The following PCDHGB3 variants were observed in gnomAD, a reference collection of about 807,000 sequenced individuals.
PCDHGB3 encodes protocadherin gamma-B3.
A neutral mutation model predicts 59.2 loss-of-function variants in PCDHGB3; 40 were observed. The ratio of observed to expected loss-of-function variants is 0.68; its 90% CI spans 0.52 to 0.88. The LOEUF (loss-of-function observed/expected upper bound fraction) is 0.88, where lower values mean the gene tolerates loss of function less well. Among genes scored for constraint, PCDHGB3 ranks in the 40% least tolerant of loss-of-function variants. PCDHGB3 has a pLI of 0.00. For synonymous variants in PCDHGB3, 581 were observed against 503.6 expected, an observed-to-expected ratio of 1.15 and a Z score of -2.06; for missense variants, 1,309 against 1,187.9, an observed-to-expected ratio of 1.10 and a Z score of -1.50.
rs746408347 is a variant in PCDHGB3 at position 141,486,293 on chromosome 5, G to A, written c.2416-8514G>A. ...TGGCACTGTGGTGGCACTTATCAGT[G>A]TGCAGGATCCAGACTCAGGGTCAAA... On this transcript the variant is annotated intron_variant, in intron 1 of 3. Transcript: ENST00000576222. This position sits in a 1 kb window ranked among gnomAD's most constrained non-coding sequence, Gnocchi z 5.0. The A allele has an allele frequency of 3.1e-6, 5 of 1,614,018 alleles. No homozygotes were observed. In the Admixed American group the frequency reaches 8.3e-5, roughly 27 times the overall value.
chr5:141,486,844 C>T lies in PCDHGB3; in HGVS notation c.2416-7963C>T, dbSNP rs150549306. The T allele has an allele frequency of 1.1e-5, 17 of 1,614,220 alleles. No homozygotes were observed. The highest frequency in any genetic ancestry group is 1.4e-5 in the Non-Finnish European group (16 of 1,180,026). ...TAACAGTTCGTCTATTTGTGCTGGACCTCAATGACAATGCTCCAGCTGTGC... is the reference window on the plus strand; with the variant it reads ...TAACAGTTCGTCTATTTGTGCTGGATCTCAATGACAATGCTCCAGCTGTGC... On this transcript the variant is annotated intron_variant, in intron 1 of 3. Transcript: ENST00000576222. The surrounding 1 kb of genome is among the most constrained non-coding windows in gnomAD (Gnocchi z 5.0).
intron 3 of PCDHGB3, among the ~76,000 whole-genome samples, chr5:141,508,943 CAG>C (rs1562237475): frequency 1.3e-5 from 2 of 151,982 alleles, no homozygotes; most frequent in Admixed American, 6.6e-5. Context: ...TTAGGGAAAA[CAG>C]AGAAATGTCA....
intron 1 of PCDHGB3, chr5:141,423,486 C>G: frequency 6.2e-7 from 1 of 1,613,952 alleles, no homozygotes; most frequent in Non-Finnish European, 8.5e-7. Context: ...TCCTGCAAAC[C>G]TATTCCCACG....
intron 1 of PCDHGB3, among the ~76,000 whole-genome samples, chr5:141,447,752 G>T (rs2154561873): frequency 6.6e-6 from 1 of 152,280 alleles, no homozygotes; most frequent in Admixed American, 6.5e-5. Context: ...TCTTGCATGT[G>T]ACTGTATATA....
intron 1 of PCDHGB3, among the ~76,000 whole-genome samples, chr5:141,474,165 A>G (rs1444314307): frequency 6.6e-6 from 1 of 152,234 alleles, no homozygotes; most frequent in Non-Finnish European, 1.5e-5. Context: ...GACAGGCCTT[A>G]TTATTGAGAA....
intron 1 of PCDHGB3, chr5:141,383,821 G>T: frequency 1.2e-6 from 2 of 1,613,922 alleles, no homozygotes; most frequent in Non-Finnish European, 1.7e-6. Context: ...AGAAGGATTA[G>T]ATTATGAAGA....
rs1255512461 is a variant in PCDHGB3 at position 141,395,116 on chromosome 5, T to A, written c.2415+22307T>A. 1.2e-6 allele frequency: 2 copies of A among 1,614,098 alleles called. No homozygotes were observed. Among genetic ancestry groups the A allele is most frequent in the African/African-American group, 1.3e-5 (1 of 74,932 alleles). Reference sequence around the variant, plus strand: ...ACCGCCGACTCGCGGAAGAGTCACCTGATCTTTCCCCAGCCCAACTACGCA... The same window carrying A: ...ACCGCCGACTCGCGGAAGAGTCACCAGATCTTTCCCCAGCCCAACTACGCA... On this transcript the variant is annotated intron_variant, in intron 1 of 3. Coordinates refer to ENST00000576222, the MANE Select transcript of PCDHGB3 (RefSeq NM_018924.5).
rs779183487 is a variant in PCDHGB3, at chr5:141,430,845, C to T, written c.2415+58036C>T. ...GGGACTCTGTGGGAGACCGGATGCA[C>T]CCAGATACGCTATTCAGTTCCGGAA... On this transcript the variant is annotated intron_variant, in intron 1 of 3. Coordinates refer to ENST00000576222, the MANE Select transcript of PCDHGB3 (RefSeq NM_018924.5). 27 of 1,575,514 alleles carry T rather than the reference C, an allele frequency of 1.7e-5. No individual in the cohort carries two copies. In the African/African-American group the frequency reaches 3.7e-4, roughly 21 times the overall value.
chr5:141,492,257 A>G (rs955890030), intron 1 of PCDHGB3, among the ~76,000 whole-genome samples: 1 of 152,126 alleles, frequency 6.6e-6, no homozygotes, highest in Non-Finnish European at 1.5e-5. Flanking sequence ...GGCCCACACA[A>G]GTTGCACGGG....
chr5:141,476,820 T>C lies in PCDHGB3; in HGVS notation c.2416-17987T>C, dbSNP rs368919360. 6.2e-7 allele frequency: 1 copy of C among 1,613,594 alleles called. No individual in the cohort carries two copies. Among genetic ancestry groups the C allele is most frequent in the African/African-American group, 1.3e-5 (1 of 75,066 alleles). The stretch of plus-strand genomic sequence containing the variant: ...AGCCTGCCTATTCACATCAAGGTGC[T>C]GGACGCGAATGACAATGCGCCTGTC... On this transcript the variant is annotated intron_variant, in intron 1 of 3. Transcript: ENST00000576222. This position sits in a 1 kb window ranked among gnomAD's most constrained non-coding sequence, Gnocchi z 7.6.
In PCDHGB3 at chr5:141,423,241, G is replaced by T. The variant is rs1485226833; in HGVS notation, c.2415+50432G>T. The T allele has an allele frequency of 6.8e-6, 11 of 1,613,836 alleles. No individual in the cohort carries two copies. The Admixed American group carries it at 1.5e-4, about 22-fold the overall frequency. On this transcript the variant is annotated intron_variant, in intron 1 of 3. Transcript: ENST00000576222. ...GGCTGTGGCCGACAGCATCCCCGAAGTCCTGGCGGACCTCGGCAGCCTCGA... is the reference window on the plus strand; with the variant it reads ...GGCTGTGGCCGACAGCATCCCCGAATTCCTGGCGGACCTCGGCAGCCTCGA...
At chr5:141,418,815 T>A in intron 1 of PCDHGB3, 1 of 1,613,864 alleles carries the variant, frequency 6.2e-7, no homozygotes, top group East Asian at 2.2e-5. Flanking sequence ...ACGATAAACA[T>A]AGAAGCAAAA....
rs771271665 is a variant in PCDHGB3, at chr5:141,371,891, G to C, written c.1497G>C (p.Arg499=). ...TCGTGGCCAGTGACCTGGAGCCGCGGGAGCTGTCGTCCTACGTGTCCGTGA... is the reference window on the plus strand; with the variant it reads ...TCGTGGCCAGTGACCTGGAGCCGCGCGAGCTGTCGTCCTACGTGTCCGTGA... ...YYIVASDLEP[R]ELSSYVSVSA... is the part of the protein sequence containing the mutation. The change falls in exon 1 of 4, where the codon CGG becomes CGC. Residue 499 remains arginine, a synonymous_variant. Coordinates refer to ENST00000576222, the MANE Select transcript of PCDHGB3 (RefSeq NM_018924.5). The C allele has an allele frequency of 3.0e-5, 48 of 1,613,328 alleles. No individual in the cohort carries two copies. Among genetic ancestry groups the C allele is most frequent in the Non-Finnish European group, 3.9e-5 (46 of 1,179,918 alleles).
At chr5:141,418,149 AAG>A (rs768024698) in intron 1 of PCDHGB3, 1 of 1,613,982 alleles carries the variant, frequency 6.2e-7, no homozygotes, top group Non-Finnish European at 8.5e-7. Flanking sequence ...CAAATATGCA[AAG>A]AGAGAAGAAG....
At chr5:141,500,840 C>T (rs1394248251) in intron 2 of PCDHGB3, among the ~76,000 whole-genome samples, 1 of 151,966 alleles carries the variant, frequency 6.6e-6, no homozygotes, top group Non-Finnish European at 1.5e-5. Flanking sequence ...TGCTAATGGG[C>T]TTTTGCTACA....
At chr5:141,388,622 A>G (rs754411917) in intron 1 of PCDHGB3, 3 of 1,613,952 alleles carry the variant, frequency 1.9e-6, no homozygotes, top group South Asian at 1.1e-5. Flanking sequence ...GTCAAGACGT[A>G]TACAGGGTGA....
intron 1 of PCDHGB3, chr5:141,385,030 C>T (rs1448535123): frequency 6.2e-7 from 1 of 1,614,070 alleles, no homozygotes; most frequent in Non-Finnish European, 8.5e-7. Flanking sequence ...CGTCCTCGTA[C>T]TGCTGGCGCT....
At chr5:141,404,248 G>C (rs1404333144) in intron 1 of PCDHGB3, 10 of 1,613,694 alleles carry the variant, frequency 6.2e-6, no homozygotes, top group South Asian at 1.1e-5. Context: ...CTCCGCCCCT[G>C]TCCACAGAAA....
At chr5:141,384,383 C>T in intron 1 of PCDHGB3, 1 of 1,613,946 alleles carries the variant, frequency 6.2e-7, no homozygotes. Flanking sequence ...GCCGAAGACA[C>T]CATCCAGGGG....
Sources: gnomAD v4.1 joint callset for allele counts (sites outside exome capture counted in the v4.1 genomes callset) on GRCh38, gnomAD v4.1.1 for gene constraint, Gnocchi (gnomAD v3.1) non-coding constraint, MANE v1.5 for transcripts, NCBI Gene and HGNC (gene_info 2026-07-23, HGNC 2026-07-21) for gene names.